The following ULBP2 variants were observed in gnomAD, a reference collection of about 807,000 sequenced individuals.
ULBP2 encodes the protein UL16-binding protein 2.
Under a neutral mutation model 23.6 loss-of-function variants are expected in ULBP2, and 21 were observed. The ratio of observed to expected loss-of-function variants is 0.89; its 90% CI spans 0.63 to 1.28. The LOEUF is 1.28. Among genes scored for constraint, ULBP2 ranks in the 50% most tolerant of loss-of-function variants. The pLI, the probability that ULBP2 is intolerant of heterozygous loss-of-function variation, is 0.00. For missense variants in ULBP2, 251 were observed against 306.0 expected (o/e 0.82, Z 1.34); for synonymous variants, 82 against 112.8 (o/e 0.73, Z 1.73).
intron 1 of ULBP2, among the ~76,000 whole-genome samples, chr6:149,942,643 C>T (rs1778880827): frequency 6.6e-6 from 1 of 150,646 alleles, no homozygotes; most frequent in South Asian, 2.2e-4. Context: ...TTGAATTTTT[C>T]CCTGCACTTT....
At chr6:149,946,954 T>C (rs924435795) in intron 3 of ULBP2, among the ~76,000 whole-genome samples, 1 of 152,186 alleles carries the variant, frequency 6.6e-6, no homozygotes, top group Non-Finnish European at 1.5e-5. Context: ...GTGTTTCCTC[T>C]TTTGAGAATC....
At position 149,948,744 on chromosome 6, in the gene ULBP2, C is replaced by T; in HGVS notation, c.*44C>T. 2 of 456,702 alleles carry T rather than the reference C, an allele frequency of 4.4e-6. No homozygotes were observed. The highest frequency in any genetic ancestry group is 8.8e-6 in the Non-Finnish European group (2 of 226,978). 28.3% of individuals were successfully genotyped at this position (456,702 alleles called of 1,614,324 possible). On this transcript the variant is annotated 3_prime_UTR_variant, in exon 5 of 5. Coordinates refer to ENST00000367351, the MANE Select transcript of ULBP2 (RefSeq NM_025217.4). The stretch of plus-strand genomic sequence containing the variant: ...GAAGGTTAAAGCTGATACCAAAAGG[C>T]TCCTGTGAGCACGGTCTTGATCAAA...
chr6:149,942,443 G>T (rs1379221076), intron 1 of ULBP2, among the ~76,000 whole-genome samples: 3 of 152,106 alleles, frequency 2.0e-5, no homozygotes, highest in African/African-American at 7.2e-5. Flanking sequence ...CCCTGGTGCA[G>T]CCTGGCAGTC....
chr6:149,944,220 C>T (rs1405375807), intron 1 of ULBP2, among the ~76,000 whole-genome samples: 5 of 152,086 alleles, frequency 3.3e-5, no homozygotes, highest in African/African-American at 1.2e-4. Context: ...GGACTGGCTA[C>T]TTTCAGCCTC....
intron 4 of ULBP2, among the ~76,000 whole-genome samples, chr6:149,948,232 GGACAA>G: frequency 6.6e-6 from 1 of 152,220 alleles, no homozygotes; most frequent in East Asian, 1.9e-4. Context: ...CCACTGGGCT[GGACAA>G]GGAATTGATA....
chr6:149,948,641 T>C (rs1562488358), intron 4 of ULBP2, 82 bp from the exon 5 acceptor site: 1 of 456,564 alleles, frequency 2.2e-6, no homozygotes, highest in South Asian at 1.5e-5. Flanking sequence ...CTCTGAGACA[T>C]AGAGTGACTA....
Position 149,946,519 on chromosome 6 carries a change from G to T in ULBP2, c.497G>T (p.Arg166Ile), listed in dbSNP as rs778644459. Residue 166 changes from arginine (R) to isoleucine (I), a missense_variant, in exon 3 of 5, where the codon AGA becomes ATA. Transcript: ENST00000367351. ...RMWTTVHPGA[R>I]KMKEKWENDK... ...TGGACAACGGTTCATCCTGGAGCCA[G>T]AAAGATGAAAGAAAAGTGGGAGAAT... 1 of 1,614,178 alleles carries T rather than the reference G, an allele frequency of 6.2e-7. No individual in the cohort carries two copies. The highest frequency in any genetic ancestry group is 8.5e-7 in the Non-Finnish European group (1 of 1,180,052).
intron 2 of ULBP2, 118 bp from the exon 3 acceptor site, chr6:149,946,254 A>T: frequency 7.7e-7 from 1 of 1,297,342 alleles, no homozygotes; most frequent in Non-Finnish European, 1.1e-6. Context: ...ACCCCTCAAG[A>T]GTCTAGAGGC....
At chr6:149,942,181 G>A in intron 1 of ULBP2, 24 bp downstream of exon 1, 1 of 1,609,502 alleles carries the variant, frequency 6.2e-7, no homozygotes, top group Non-Finnish European at 8.5e-7. Context: ...TGGAGCCTAA[G>A]CCGGGCGGGG....
In ULBP2 at chr6:149,946,558, C is replaced by G; in HGVS notation, c.536C>G (p.Ala179Gly). The G allele has an allele frequency of 6.2e-7, 1 of 1,614,132 alleles. No individual in the cohort carries two copies. The highest frequency in any genetic ancestry group is 1.6e-4 in the Middle Eastern group (1 of 6,062). The change falls in exon 3 of 5, where the codon GCC (alanine) becomes GGC (glycine). Residue 179 changes from alanine (A) to glycine (G), a missense_variant. Coordinates refer to ENST00000367351, the MANE Select transcript of ULBP2 (RefSeq NM_025217.4). Reference sequence around the variant, plus strand: ...AAGTGGGAGAATGACAAGGTTGTGGCCATGTCCTTCCATTACTTCTCAATG... The same window carrying G: ...AAGTGGGAGAATGACAAGGTTGTGGGCATGTCCTTCCATTACTTCTCAATG... The part of the protein sequence containing the change: ...KEKWENDKVV[A>G]MSFHYFSMGD...
intron 4 of ULBP2, 98 bp from the exon 5 acceptor site, chr6:149,948,625 A>G (rs181105068): frequency 0.046 from 21,105 of 456,064 alleles, 699 homozygotes; most frequent in Non-Finnish European, 0.069. Context: ...CCCTTAGTGC[A>G]GGGGGCTCTG....
Position 149,946,511 on chromosome 6 carries a change from T to C in ULBP2, c.489T>C (p.Pro163=), listed in dbSNP as rs748839623. ...AGAGAATGTGGACAACGGTTCATCC[T>C]GGAGCCAGAAAGATGAAAGAAAAGT... The part of the protein sequence containing the change: ...SEKRMWTTVH[P]GARKMKEKWE... Residue 163 remains proline, a synonymous_variant, in exon 3 of 5, where the codon CCT becomes CCC. Transcript: ENST00000367351. 1.9e-6 allele frequency: 3 copies of C among 1,614,062 alleles called. No homozygotes were observed. Among genetic ancestry groups the C allele is most frequent in the South Asian group, 2.2e-5 (2 of 91,086 alleles).
At chr6:149,948,055 A>G (rs1296140666) in intron 4 of ULBP2, among the ~76,000 whole-genome samples, 1 of 152,220 alleles carries the variant, frequency 6.6e-6, no homozygotes, top group African/African-American at 2.4e-5. Flanking sequence ...AGGATTTTTA[A>G]AAAGTCAGTC....
chr6:149,947,205 G>A (rs1306037601), intron 3 of ULBP2, 115 bp from the exon 4 acceptor site: 8 of 1,592,904 alleles, frequency 5.0e-6, no homozygotes, highest in African/African-American at 2.7e-5. Flanking sequence ...CACACCAGGG[G>A]GGAGAGGACA....
chr6:149,947,940 T>C (rs1443865250), intron 4 of ULBP2, among the ~76,000 whole-genome samples: 757 of 151,498 alleles, frequency 5.0e-3, no homozygotes, highest in African/African-American at 0.018. Context: ...AGAACCTTGG[T>C]ACACCTAATT....
chr6:149,944,356 A>C (rs1371501409), intron 1 of ULBP2, among the ~76,000 whole-genome samples: 14 of 150,138 alleles, frequency 9.3e-5, no homozygotes, highest in African/African-American at 1.5e-4. Flanking sequence ...TGTATAACTG[A>C]GGTCCCCAGC....
Position 149,946,413 on chromosome 6 carries a change from G to T in ULBP2, c.391G>T (p.Ala131Ser). The T allele has an allele frequency of 6.2e-7, 1 of 1,614,176 alleles. No homozygotes were observed. The highest frequency in any genetic ancestry group is 8.5e-7 in the Non-Finnish European group (1 of 1,180,042). Residue 131 changes from alanine to serine, a missense_variant, in exon 3 of 5, where the codon GCT (alanine) becomes TCT (serine). Transcript: ENST00000367351. ...LQARMSCEQK[A>S]EGHSSGSWQF... ...GGCAAGGATGTCTTGTGAGCAGAAA[G>T]CTGAAGGACACAGCAGTGGATCTTG...
Position 149,946,469 on chromosome 6 carries a change from C to A in ULBP2, c.447C>A (p.Leu149=), listed in dbSNP as rs566199069. The A allele has an allele frequency of 3.0e-5, 48 of 1,613,946 alleles. No individual in the cohort carries two copies. Among genetic ancestry groups the A allele is most frequent in the African/African-American group, 1.6e-4 (12 of 74,888 alleles). Residue 149 remains leucine, a synonymous_variant, in exon 3 of 5, where the codon CTC becomes CTA. Transcript: ENST00000367351. The part of the protein sequence containing the change: ...WQFSFDGQIF[L]LFDSEKRMWT... Reference sequence around the variant, plus strand: ...TCAGTTTCGATGGGCAGATCTTCCTCCTCTTTGACTCAGAGAAGAGAATGT... The same window carrying A: ...TCAGTTTCGATGGGCAGATCTTCCTACTCTTTGACTCAGAGAAGAGAATGT...
chr6:149,945,756 C>T (rs1778928519), intron 2 of ULBP2, among the ~76,000 whole-genome samples, 184 bp downstream of exon 2: 1 of 152,082 alleles, frequency 6.6e-6, no homozygotes, highest in Non-Finnish European at 1.5e-5. Context: ...GCCTGACCAA[C>T]ATGGTGAAAC....
Sources: allele counts gnomAD v4.1 joint callset (sites outside exome capture counted in the v4.1 genomes callset), GRCh38; gene constraint gnomAD v4.1.1; transcripts MANE v1.5; gene names NCBI Gene and HGNC (gene_info 2026-07-23, HGNC 2026-07-21).